MNAT1: variants seen among roughly 807,000 people sequenced by gnomAD.
The protein encoded by MNAT1 is CDK-activating kinase assembly factor MAT1.
In MNAT1, 43 loss-of-function variants were observed where a neutral mutation model predicts 42.0. The observed-to-expected ratio is 1.02, with a 90% CI of 0.80 to 1.32. The LOEUF (loss-of-function observed/expected upper bound fraction) is 1.32, where lower values mean the gene tolerates loss of function less well. Among genes scored for constraint, MNAT1 ranks in the 40% most tolerant of loss-of-function variants. MNAT1 has a pLI of 0.00. For missense variants in MNAT1, 306 were observed against 350.4 expected, an observed-to-expected ratio of 0.87 and a Z score of 1.01; for synonymous variants, 118 against 120.0, an observed-to-expected ratio of 0.98 and a Z score of 0.11.
chr14:60,904,311 G>A (rs2035144694), intron 7 of MNAT1, among the ~76,000 whole-genome samples: 1 of 152,160 alleles, frequency 6.6e-6, no homozygotes, highest in East Asian at 1.9e-4. Flanking sequence ...TGGTAATTAT[G>A]AAAATATTAC....
intron 6 of MNAT1, among the ~76,000 whole-genome samples, chr14:60,857,568 A>G (rs1167001904): frequency 6.6e-6 from 1 of 152,192 alleles, no homozygotes; most frequent in African/African-American, 2.4e-5. Context: ...TTGATAAAGC[A>G]GTGGCAGTTT....
chr14:60,750,058 T>C (rs2030005218), intron 1 of MNAT1, among the ~76,000 whole-genome samples: 1 of 152,070 alleles, frequency 6.6e-6, no homozygotes, highest in South Asian at 2.1e-4. Flanking sequence ...TCTTTCGAGG[T>C]GGGGACCAGT....
chr14:60,804,113 G>A (rs996093517), intron 3 of MNAT1, among the ~76,000 whole-genome samples: 4 of 152,182 alleles, frequency 2.6e-5, no homozygotes, highest in Non-Finnish European at 4.4e-5. Flanking sequence ...AATTCTGGAT[G>A]TCAAAAAGAC....
chr14:60,918,527 A>G lies in MNAT1; in HGVS notation c.809+38692A>G, dbSNP rs568486616. On this transcript the variant is annotated intron_variant, in intron 7 of 7. Transcript: ENST00000261245. ...CCGGCCAATTGTTCATTTTTACATGATTTTCTCCCTTCCAAATACCTTTAT... is the reference window on the plus strand; with the variant it reads ...CCGGCCAATTGTTCATTTTTACATGGTTTTCTCCCTTCCAAATACCTTTAT... Among the ~76,000 whole-genome samples, 4 of 150,854 alleles carry G rather than the reference A, an allele frequency of 2.7e-5. No homozygotes were observed. In the East Asian group the frequency reaches 7.8e-4, roughly 29 times the overall value.
chr14:60,882,696 C>A (rs2034578315), intron 7 of MNAT1, among the ~76,000 whole-genome samples: 1 of 152,092 alleles, frequency 6.6e-6, no homozygotes, highest in Admixed American at 6.6e-5. Context: ...TACATATCCA[C>A]CAACAGTGTA....
At chr14:60,867,723 T>A (rs1048472681) in intron 6 of MNAT1, among the ~76,000 whole-genome samples, 1 of 152,160 alleles carries the variant, frequency 6.6e-6, no homozygotes, top group South Asian at 2.1e-4. Flanking sequence ...TCCTCACTTA[T>A]ACACTCCCCC....
At chr14:60,933,806 A>G (rs895504401) in intron 7 of MNAT1, among the ~76,000 whole-genome samples, 2 of 152,134 alleles carry the variant, frequency 1.3e-5, no homozygotes, top group South Asian at 4.1e-4. Flanking sequence ...TACCTTGTAT[A>G]TAGAATTTTT....
chr14:60,792,709 C>G (rs1275511859), intron 1 of MNAT1, among the ~76,000 whole-genome samples: 1 of 151,954 alleles, frequency 6.6e-6, no homozygotes, highest in Non-Finnish European at 1.5e-5. Context: ...GTAAAGTGAA[C>G]AATTGACTAA....
chr14:60,926,478 G>A (rs11623438), intron 7 of MNAT1, among the ~76,000 whole-genome samples: 151,785 of 152,364 alleles, frequency 1, 75,609 homozygotes, highest in Middle Eastern at 1. Flanking sequence ...GGTTCCCACA[G>A]ACCATTCGTC....
intron 6 of MNAT1, among the ~76,000 whole-genome samples, chr14:60,841,619 T>A (rs6573333): frequency 2.0e-5 from 3 of 151,984 alleles, no homozygotes; most frequent in East Asian, 1.9e-4. Context: ...TTTCTGAGTC[T>A]GCTTCTATTG....
intron 1 of MNAT1, among the ~76,000 whole-genome samples, chr14:60,775,609 G>A (rs925473431): frequency 3.3e-5 from 5 of 152,176 alleles, no homozygotes; most frequent in African/African-American, 1.2e-4. Context: ...ACTTGAGTAG[G>A]GATTAGGAAG....
intron 7 of MNAT1, among the ~76,000 whole-genome samples, chr14:60,938,258 A>G (rs2036052437): frequency 6.6e-6 from 1 of 152,166 alleles, no homozygotes; most frequent in African/African-American, 2.4e-5. Flanking sequence ...AACTTCCAAC[A>G]CTATGTTGAA....
chr14:60,929,140 C>G (rs1319754813), intron 7 of MNAT1, among the ~76,000 whole-genome samples: 1 of 82,662 alleles, frequency 1.2e-5, no homozygotes, highest in East Asian at 3.1e-4. Flanking sequence ...GAGTGAGACT[C>G]CATCTCCCAA....
At chr14:60,913,709 C>T (rs1484412835) in intron 7 of MNAT1, among the ~76,000 whole-genome samples, 1 of 152,144 alleles carries the variant, frequency 6.6e-6, no homozygotes, top group Admixed American at 6.5e-5. Context: ...GAGGAGTACC[C>T]AGCCGTGTGA....
At chr14:60,945,079 C>T (rs988353919) in intron 7 of MNAT1, among the ~76,000 whole-genome samples, 8 of 152,166 alleles carry the variant, frequency 5.3e-5, no homozygotes, top group African/African-American at 1.9e-4. Context: ...AGTTTCAAAG[C>T]TACTAAGAAC....
intron 7 of MNAT1, among the ~76,000 whole-genome samples, chr14:60,909,350 G>A (rs1345009133): frequency 6.6e-6 from 1 of 151,994 alleles, no homozygotes; most frequent in Admixed American, 6.5e-5. Flanking sequence ...TGTCAATTTT[G>A]GCTTTTGTTG....
chr14:60,898,875 G>A (rs1053346588), intron 7 of MNAT1, among the ~76,000 whole-genome samples: 2 of 151,858 alleles, frequency 1.3e-5, no homozygotes, highest in Admixed American at 1.3e-4. Context: ...TTTTCTAGTA[G>A]TTTTATATCA....
intron 6 of MNAT1, among the ~76,000 whole-genome samples, chr14:60,819,220 A>T (rs1191989561): frequency 6.6e-6 from 1 of 152,088 alleles, no homozygotes; most frequent in African/African-American, 2.4e-5. Context: ...TTCTTCACAT[A>T]TATATTTTTA....
chr14:60,825,316 A>C (rs2033022940), intron 6 of MNAT1, among the ~76,000 whole-genome samples: 3 of 152,228 alleles, frequency 2.0e-5, no homozygotes, highest in African/African-American at 7.2e-5. Context: ...TGAATTCATT[A>C]GTGTCAATTT....
Sources: gnomAD v4.1 joint callset for allele counts (sites outside exome capture counted in the v4.1 genomes callset) on GRCh38, gnomAD v4.1.1 for gene constraint, MANE v1.5 for transcripts, NCBI Gene and HGNC (gene_info 2026-07-23, HGNC 2026-07-21) for gene names.